ASCC3: variants seen among roughly 807,000 people sequenced by gnomAD.
ASCC3 encodes activating signal cointegrator 1 complex subunit 3.
A neutral mutation model predicts 256.3 loss-of-function variants in ASCC3; 158 were observed. That is an observed-to-expected ratio of 0.62 (90% CI 0.54 to 0.70). The LOEUF (loss-of-function observed/expected upper bound fraction) is 0.70, where lower values mean the gene tolerates loss of function less well. Among genes scored for constraint, ASCC3 ranks in the 30% least tolerant of loss-of-function variants. The probability of loss-of-function intolerance (pLI) is 0.00; values close to 1 mark genes in which losing one functional copy is unlikely to be tolerated. For synonymous variants in ASCC3, 948 were observed against 883.4 expected, an observed-to-expected ratio of 1.07 and a Z score of -1.30; for missense variants, 2,259 against 2,626.0, an observed-to-expected ratio of 0.86 and a Z score of 3.05.
intron 10 of ASCC3, among the ~76,000 whole-genome samples, chr6:100,731,185 T>C (rs1449742781): frequency 2.0e-5 from 3 of 152,228 alleles, no homozygotes; most frequent in East Asian, 1.9e-4. Flanking sequence ...ATGCTGGGAA[T>C]TGGGGAGAGA....
At chr6:100,805,636 C>T (rs1436211966) in intron 5 of ASCC3, 124 bp downstream of exon 5, 2 of 1,162,022 alleles carry the variant, frequency 1.7e-6, no homozygotes, top group East Asian at 2.6e-5. Context: ...ATCTATTTAA[C>T]AGAGTAATAT....
chr6:100,566,369 C>T (rs1475133141), intron 36 of ASCC3, among the ~76,000 whole-genome samples: 1 of 152,072 alleles, frequency 6.6e-6, no homozygotes, highest in African/African-American at 2.4e-5. Flanking sequence ...GAGATTCGAA[C>T]CCATGTTTCT....
intron 10 of ASCC3, among the ~76,000 whole-genome samples, chr6:100,745,066 C>T (rs780031808): frequency 2.0e-5 from 3 of 152,142 alleles, no homozygotes; most frequent in Non-Finnish European, 4.4e-5. Context: ...CGGGGGCTCA[C>T]GCCTGTAATC....
intron 19 of ASCC3, 52 bp downstream of exon 19, chr6:100,651,508 A>G: frequency 9.5e-7 from 1 of 1,050,888 alleles, no homozygotes; most frequent in Non-Finnish European, 1.4e-6. Context: ...TTTATAAATG[A>G]ATGAATGCAT....
chr6:100,816,371 A>G (rs1020741225), intron 4 of ASCC3, among the ~76,000 whole-genome samples: 37 of 152,128 alleles, frequency 2.4e-4, no homozygotes, highest in African/African-American at 8.7e-4. Context: ...AAGAGCTAAA[A>G]AAAAACTACC....
At chr6:100,632,250 G>C (rs1205051246) in intron 25 of ASCC3, among the ~76,000 whole-genome samples, 1 of 145,802 alleles carries the variant, frequency 6.9e-6, no homozygotes, top group African/African-American at 2.5e-5. Context: ...AAGTACTTAG[G>C]AATAAAGTTA....
At chr6:100,587,677 T>C (rs1771774115) in intron 36 of ASCC3, among the ~76,000 whole-genome samples, 1 of 152,222 alleles carries the variant, frequency 6.6e-6, no homozygotes, top group Non-Finnish European at 1.5e-5. Flanking sequence ...GTTATACAGC[T>C]TTCCTTACAC....
chr6:100,799,574 T>C lies in ASCC3; in HGVS notation c.1128-2A>G, dbSNP rs145099048. 1 of 1,611,640 alleles carries C rather than the reference T, an allele frequency of 6.2e-7. No homozygotes were observed. Among genetic ancestry groups the C allele is most frequent in the Non-Finnish European group, 8.5e-7 (1 of 1,179,054 alleles). ...CTAGCATTCAGAAGTGCCTGTTCTC[T>C]GTAAACATAAAAATAGGCCTAATTT... On this transcript the variant is annotated splice_acceptor_variant, in intron 6 of 41. Transcript: ENST00000369162. LOFTEE classifies it high-confidence loss of function.
rs554073805 is a variant in ASCC3 at position 100,863,812 on chromosome 6, A to G, written c.241+252T>C. 2.7e-4 allele frequency among the ~76,000 whole-genome samples: 41 copies of G among 152,134 alleles called. No individual in the cohort carries two copies. In the South Asian group the frequency reaches 8.5e-3, roughly 32 times the overall value. On this transcript the variant is annotated intron_variant, in intron 3 of 41. Transcript: ENST00000369162. ...TTTTATTTGTATTTTTAGTAGAGAC[A>G]GGGTTTTGCCATGTTGCCCAGGCTG... is the stretch of plus-strand genomic sequence containing the variant.
chr6:100,735,118 T>C (rs1780087887), intron 10 of ASCC3, among the ~76,000 whole-genome samples: 1 of 152,084 alleles, frequency 6.6e-6, no homozygotes, highest in African/African-American at 2.4e-5. Context: ...TCAGTAAGGG[T>C]AGGAGCATGA....
Position 100,540,205 on chromosome 6 carries a change from A to T in ASCC3, c.5733T>A (p.Thr1911=). The change falls in exon 37 of 42, where the codon ACT becomes ACA. Residue 1911 remains threonine, a synonymous_variant. Transcript: ENST00000369162. Reference sequence around the variant, plus strand: ...CTTGGTCCAAGACTGTTTTGGTATCAGTGTCATAATCTGGGCAGGGTAGCA... The same window carrying T: ...CTTGGTCCAAGACTGTTTTGGTATCTGTGTCATAATCTGGGCAGGGTAGCA... ...RAMLPCPDYD[T]DTKTVLDQAL... is the part of the protein sequence containing the mutation. The T allele has an allele frequency of 1.9e-6, 3 of 1,614,116 alleles. No individual in the cohort carries two copies. The highest frequency in any genetic ancestry group is 2.5e-6 in the Non-Finnish European group (3 of 1,180,000).
rs1769164050 is a variant in ASCC3, at chr6:100,549,121, A to C, written c.5551-8734T>G. On this transcript the variant is annotated intron_variant, in intron 36 of 41. Coordinates refer to ENST00000369162, the MANE Select transcript of ASCC3 (RefSeq NM_006828.4). ...TGAAACCTGGAAAGAAAAACTGCAAATAAGGGGGGACTGCTGTATACAAAG... is the reference window on the plus strand; with the variant it reads ...TGAAACCTGGAAAGAAAAACTGCAACTAAGGGGGGACTGCTGTATACAAAG... 4.6e-5 allele frequency among the ~76,000 whole-genome samples: 7 copies of C among 152,018 alleles called. No individual in the cohort carries two copies. In the South Asian group the frequency reaches 1.5e-3, roughly 32 times the overall value.
At chr6:100,720,816 T>C (rs900873994) in intron 11 of ASCC3, among the ~76,000 whole-genome samples, 5 of 148,492 alleles carry the variant, frequency 3.4e-5, no homozygotes, top group South Asian at 2.1e-4. Flanking sequence ...ATTATACATA[T>C]ATAATATATA....
At chr6:100,740,834 A>T (rs1780402157) in intron 10 of ASCC3, among the ~76,000 whole-genome samples, 1 of 152,176 alleles carries the variant, frequency 6.6e-6, no homozygotes, top group Non-Finnish European at 1.5e-5. Flanking sequence ...AGACTGATGG[A>T]TCTTGGCTCT....
intron 13 of ASCC3, among the ~76,000 whole-genome samples, chr6:100,702,242 A>G (rs1158202102): frequency 6.6e-6 from 1 of 152,126 alleles, no homozygotes; most frequent in Non-Finnish European, 1.5e-5. Flanking sequence ...GGCAGACTTA[A>G]GAGATACTTA....
intron 39 of ASCC3, among the ~76,000 whole-genome samples, chr6:100,513,395 G>T (rs1338087463): frequency 6.6e-6 from 1 of 152,156 alleles, no homozygotes; most frequent in African/African-American, 2.4e-5. Context: ...GAACTGGTTT[G>T]TTTTAGAGAA....
At chr6:100,581,524 T>G (rs547443910) in intron 36 of ASCC3, among the ~76,000 whole-genome samples, 2 of 151,828 alleles carry the variant, frequency 1.3e-5, no homozygotes, top group Non-Finnish European at 2.9e-5. Flanking sequence ...TTTCTCCCAT[T>G]TTGTAGGTTG....
At chr6:100,692,928 T>A (rs188610431) in intron 13 of ASCC3, among the ~76,000 whole-genome samples, 1 of 152,066 alleles carries the variant, frequency 6.6e-6, no homozygotes, top group Non-Finnish European at 1.5e-5. Context: ...ATAAAATTAT[T>A]AGGGACCTGA....
intron 36 of ASCC3, among the ~76,000 whole-genome samples, chr6:100,574,788 T>A (rs1349851106): frequency 2.6e-5 from 4 of 152,024 alleles, no homozygotes; most frequent in Admixed American, 2.6e-4. Context: ...AAACCTATAA[T>A]CTACTAAATC....
Sources: gnomAD v4.1 joint callset for allele counts (sites outside exome capture counted in the v4.1 genomes callset) on GRCh38, gnomAD v4.1.1 for gene constraint, MANE v1.5 for transcripts, NCBI Gene and HGNC (gene_info 2026-07-23, HGNC 2026-07-21) for gene names.